KMT2B: variants seen among roughly 807,000 people sequenced by gnomAD.
The protein encoded by KMT2B is histone-lysine N-methyltransferase 2B.
In KMT2B, 22 loss-of-function variants were observed where a neutral mutation model predicts 255.3. The ratio of observed to expected loss-of-function variants is 0.09; its 90% CI spans 0.06 to 0.12. The LOEUF is 0.12. KMT2B is among the 10% of genes least tolerant of loss of function. The pLI, the probability that KMT2B is intolerant of heterozygous loss-of-function variation, is 1.00. For missense variants in KMT2B, 3,149 were observed against 3,737.0 expected (o/e 0.84, Z 4.10); for synonymous variants, 1,730 against 1,498.1 (o/e 1.15, Z -3.57).
At chr19:35,728,925 G>T (rs1568377445) in intron 20 of KMT2B, 36 bp downstream of exon 20, 1 of 1,609,726 alleles carries the variant, frequency 6.2e-7, no homozygotes. Context: ...CCAGGGCCCT[G>T]TGTTGGTGGC....
chr19:35,718,732 T>C lies in KMT2B; in HGVS notation c.363+351T>C, dbSNP rs1969060225. 6.6e-6 allele frequency among the ~76,000 whole-genome samples: 1 copy of C among 152,070 alleles called. No individual in the cohort carries two copies. The highest frequency in any genetic ancestry group is 2.1e-4 in the South Asian group (1 of 4,830). ...GTGGTTGACAGCGGCAGCGTGGCCT[T>C]GGCAGACAGGTTGGAGCTGTCTGGG... On this transcript the variant is annotated intron_variant, in intron 1 of 36. Coordinates refer to ENST00000420124, the MANE Select transcript of KMT2B (RefSeq NM_014727.3). This position sits in a 1 kb window ranked among gnomAD's most constrained non-coding sequence, Gnocchi z 5.0.
chr19:35,732,832 G>C lies in KMT2B; in HGVS notation c.6283G>C (p.Val2095Leu). The C allele has an allele frequency of 6.2e-7, 1 of 1,607,774 alleles. No homozygotes were observed. The highest frequency in any genetic ancestry group is 1.3e-5 in the African/African-American group (1 of 75,006). The change falls in exon 28 of 37, where the codon GTC becomes CTC. Residue 2095 changes from valine (V) to leucine (L), a missense_variant. Transcript: ENST00000420124. ...PSGPGVVRAG[V>L]LGAAGDRARP... ...GGGGCCAGGAGTAGTCCGGGCAGGGGTCCTTGGGGCTGCAGGGGACAGGGC... is the reference window on the plus strand; with the variant it reads ...GGGGCCAGGAGTAGTCCGGGCAGGGCTCCTTGGGGCTGCAGGGGACAGGGC...
At position 35,733,949 on chromosome 19, in the gene KMT2B, C is replaced by T; in HGVS notation, c.7159+77C>T. 9.4e-7 allele frequency: 1 copy of T among 1,068,366 alleles called. No individual in the cohort carries two copies. Among genetic ancestry groups the T allele is most frequent in the East Asian group, 2.5e-5 (1 of 40,740 alleles). 66.2% of individuals were successfully genotyped at this position (1,068,366 alleles called of 1,614,324 possible). ...GTGACTCACAGATGCAAAATCAGCC[C>T]TCTTTCAAAACCAGTATCTACTCCC... is the stretch of plus-strand genomic sequence containing the variant. On this transcript the variant is annotated intron_variant, in intron 30 of 36. Coordinates refer to ENST00000420124, the MANE Select transcript of KMT2B (RefSeq NM_014727.3). The surrounding 1 kb of genome is among the most constrained non-coding windows in gnomAD (Gnocchi z 4.3).
intron 2 of KMT2B, 49 bp from the exon 3 acceptor site, chr19:35,719,733 CTG>C (rs1010991491): frequency 2.0e-6 from 3 of 1,537,044 alleles, no homozygotes; most frequent in African/African-American, 1.4e-5. Flanking sequence ...GCGCCTTCCT[CTG>C]TGTGTAGGGC....
chr19:35,727,028 G>A lies in KMT2B; in HGVS notation c.4004-128G>A. 4 of 556,776 alleles carry A rather than the reference G, an allele frequency of 7.2e-6. No individual in the cohort carries two copies. Among genetic ancestry groups the A allele is most frequent in the East Asian group, 6.2e-5 (2 of 32,500 alleles). 34.5% of individuals were successfully genotyped at this position (556,776 alleles called of 1,614,324 possible). ...AAGCCTCATCCTCAAGGAGCTTTTA[G>A]GGACTAGTAGGGGCCCAAAACAGGG... is the stretch of plus-strand genomic sequence containing the variant. On this transcript the variant is annotated intron_variant, in intron 14 of 36. Transcript: ENST00000420124. This position sits in a 1 kb window ranked among gnomAD's most constrained non-coding sequence, Gnocchi z 4.2.
In KMT2B at chr19:35,727,367, T is replaced by TGGCCTA; in HGVS notation, c.4118-68_4118-63dup. ...GGACTGGTGGGCTAAGGGTCCTTGCTGGCCTAGGGGCTGCTGGGAGCCCTC... is the reference window on the plus strand; with the variant it reads ...GGACTGGTGGGCTAAGGGTCCTTGCTGGCCTAGGCCTAGGGGCTGCTGGGAGCCCTC... On this transcript the variant is annotated intron_variant, in intron 15 of 36. Coordinates refer to ENST00000420124, the MANE Select transcript of KMT2B (RefSeq NM_014727.3). The surrounding 1 kb of genome is among the most constrained non-coding windows in gnomAD (Gnocchi z 4.2). The TGGCCTA allele has an allele frequency of 6.3e-7, 1 of 1,590,592 alleles. No homozygotes were observed. Among genetic ancestry groups the TGGCCTA allele is most frequent in the Non-Finnish European group, 8.6e-7 (1 of 1,159,458 alleles).
In KMT2B at chr19:35,732,769, G is replaced by A. The variant is rs1338478567; in HGVS notation, c.6220G>A (p.Ala2074Thr). The change falls in exon 28 of 37, where the codon GCG becomes ACG. Residue 2074 changes from alanine (A) to threonine (T), a missense_variant. Physicochemically the swap from Ala to Thr is moderately conservative, Grantham distance 58. This residue lies in a region of KMT2B where 897 missense variants were observed against 825.3 expected (regional missense o/e 1.09). Coordinates refer to ENST00000420124, the MANE Select transcript of KMT2B (RefSeq NM_014727.3). ...CGACGGCACTGACAGTGAGGCTGAGGCGGTGCAGCAGCCTCGGGGCCAGGG... is the reference window on the plus strand; with the variant it reads ...CGACGGCACTGACAGTGAGGCTGAGACGGTGCAGCAGCCTCGGGGCCAGGG... Reference protein sequence around the residue: ...VDDGTDSEAEAVQQPRGQGTP... With the variant: ...VDDGTDSEAETVQQPRGQGTP... 30 of 1,609,298 alleles carry A rather than the reference G, an allele frequency of 1.9e-5. No homozygotes were observed. The highest frequency in any genetic ancestry group is 2.5e-5 in the Non-Finnish European group (29 of 1,178,472).
At chr19:35,729,787 C>T (rs1046696085) in intron 22 of KMT2B, among the ~76,000 whole-genome samples, 180 bp from the exon 23 acceptor site, 16 of 152,250 alleles carry the variant, frequency 1.1e-4, no homozygotes, top group African/African-American at 3.9e-4. Flanking sequence ...ATTCTTGCTT[C>T]AAAGAACCAG....
At chr19:35,722,303 C>T (rs972474684) in intron 3 of KMT2B, 56 bp from the exon 4 acceptor site, 35 of 1,515,040 alleles carry the variant, frequency 2.3e-5, no homozygotes, top group Non-Finnish European at 2.6e-5. Flanking sequence ...ACACCCAGCT[C>T]CCTGTCCCTA....
chr19:35,728,910 A>C (rs1969575029), intron 20 of KMT2B, 21 bp downstream of exon 20: 1 of 1,611,708 alleles, frequency 6.2e-7, no homozygotes. Context: ...GTGGGGGTCC[A>C]GAAGCCAGGG....
intron 5 of KMT2B, 21 bp from the exon 6 acceptor site, chr19:35,722,974 C>T: frequency 6.5e-6 from 10 of 1,530,850 alleles, no homozygotes; most frequent in South Asian, 2.5e-5. Context: ...TCCATCCCCT[C>T]CTCCCTGCCT....
intron 30 of KMT2B, chr19:35,735,337 A>C (rs1969875025): frequency 6.6e-6 from 1 of 152,196 alleles, no homozygotes; most frequent in Non-Finnish European, 1.5e-5. Context: ...CCCAACCCCC[A>C]GTGGTCAGTC....
At position 35,721,099 on chromosome 19, in the gene KMT2B, A is replaced by C; in HGVS notation, c.1752A>C (p.Pro584=). The C allele has an allele frequency of 6.3e-7, 1 of 1,583,530 alleles. No homozygotes were observed. Among genetic ancestry groups the C allele is most frequent in the South Asian group, 1.1e-5 (1 of 89,496 alleles). The change falls in exon 3 of 37, where the codon CCA becomes CCC. Residue 584 remains proline (P), a synonymous_variant. Coordinates refer to ENST00000420124, the MANE Select transcript of KMT2B (RefSeq NM_014727.3). ...AGCCAGCACCAGTCCCCTCTCCACC[A>C]CGTGCCCCAACTCCTCCATCTACCC... ...PQEPAPVPSP[P]RAPTPPSTPV...
At position 35,737,488 on chromosome 19, in the gene KMT2B, C is replaced by T; in HGVS notation, c.7551-148C>T. 5.4e-6 allele frequency: 4 copies of T among 741,576 alleles called. No individual in the cohort carries two copies. The highest frequency in any genetic ancestry group is 1.9e-5 in the South Asian group (1 of 52,368). The allele number at this position is 741,576 out of a possible 1,614,324, so 45.9% of individuals were successfully genotyped here. ...CATGAGCCCAGGAGTTGGAGACCAG[C>T]GTAGGCAACATGGCAAAACCCCATC... On this transcript the variant is annotated intron_variant, in intron 33 of 36. Transcript: ENST00000420124. The surrounding 1 kb of genome is among the most constrained non-coding windows in gnomAD (Gnocchi z 5.3).
chr19:35,737,153 C>T lies in KMT2B; in HGVS notation c.7440C>T (p.Pro2480=), dbSNP rs769187500. The T allele has an allele frequency of 2.1e-5, 34 of 1,609,750 alleles. No individual in the cohort carries two copies. Among genetic ancestry groups the T allele is most frequent in the Admixed American group, 3.4e-5 (2 of 59,422 alleles). ...DAVIFLAEQL[P]GAQRCQHYKF... ...TCATCTTCCTGGCCGAGCAGCTCCC[C>T]GGAGCCCAGCGTTGCCAGCACTATA... Residue 2480 remains proline (P), a synonymous_variant, in exon 33 of 37, where the codon CCC becomes CCT. Coordinates refer to ENST00000420124, the MANE Select transcript of KMT2B (RefSeq NM_014727.3). This position sits in a 1 kb window ranked among gnomAD's most constrained non-coding sequence, Gnocchi z 5.3.
chr19:35,719,702 C>T, intron 2 of KMT2B, 82 bp from the exon 3 acceptor site: 1 of 1,531,322 alleles, frequency 6.5e-7, no homozygotes. Flanking sequence ...ACAAGCAAGA[C>T]TTAGTCCCTG....
chr19:35,728,080 T>C lies in KMT2B; in HGVS notation c.4498-18T>C. The C allele has an allele frequency of 6.3e-7, 1 of 1,587,546 alleles. No individual in the cohort carries two copies. The highest frequency in any genetic ancestry group is 8.6e-7 in the Non-Finnish European group (1 of 1,167,342). ...CTGGGGAAGCTGGCTCTTCTCATCC[T>C]GTTAACCCACTCCCCAGCTGCTAGA... On this transcript the variant is annotated intron_variant, in intron 18 of 36. Coordinates refer to ENST00000420124, the MANE Select transcript of KMT2B (RefSeq NM_014727.3).
rs1463284321 is a variant in KMT2B, at chr19:35,727,148, TTC to T, written c.4004-4_4004-3del. 1.2e-6 allele frequency: 2 copies of T among 1,603,084 alleles called. No homozygotes were observed. The highest frequency in any genetic ancestry group is 2.2e-5 in the South Asian group (2 of 89,530). On this transcript the variant is annotated splice_region_variant and splice_polypyrimidine_tract_variant and intron_variant, in intron 14 of 36. Coordinates refer to ENST00000420124, the MANE Select transcript of KMT2B (RefSeq NM_014727.3). This position sits in a 1 kb window ranked among gnomAD's most constrained non-coding sequence, Gnocchi z 4.2. ...GCACCTCTGACTCCTTCTCTTCCCT[TTC>T]TCTAGGAAACTACTGCCCGATCTGT...
At position 35,723,156 on chromosome 19, in the gene KMT2B, C is replaced by T. The variant is rs1385766471; in HGVS notation, c.2884C>T (p.Arg962Cys). The T allele has an allele frequency of 6.2e-7, 1 of 1,613,522 alleles. No individual in the cohort carries two copies. Among genetic ancestry groups the T allele is most frequent in the Non-Finnish European group, 8.5e-7 (1 of 1,179,888 alleles). ...SLPSHHGKKM[R>C]MARCGHCRGC... ...GCCCTCCCATCACGGCAAGAAGATGCGCATGGCTCGATGTGGACACTGTCG... is the reference window on the plus strand; with the variant it reads ...GCCCTCCCATCACGGCAAGAAGATGTGCATGGCTCGATGTGGACACTGTCG... Residue 962 changes from arginine to cysteine, a missense_variant, in exon 6 of 37, where the codon CGC becomes TGC. By Grantham distance (180) the Arg-to-Cys change is radical (BLOSUM62 -3). Transcript: ENST00000420124. The surrounding 1 kb of genome is among the most constrained non-coding windows in gnomAD (Gnocchi z 7.5).
Sources: allele counts gnomAD v4.1 joint callset (sites outside exome capture counted in the v4.1 genomes callset), GRCh38; gene constraint gnomAD v4.1.1; regional missense constraint gnomAD v4.1.1; non-coding constraint Gnocchi (gnomAD v3.1); transcripts MANE v1.5; gene names NCBI Gene and HGNC (gene_info 2026-07-23, HGNC 2026-07-21).